Variants in SLC4A7 observed in about 807,000 individuals in gnomAD.
The protein encoded by SLC4A7 is solute carrier family 4 member 7.
SLC4A7 carries 51 observed loss-of-function variants against 137.6 expected under a neutral mutation model. The observed-to-expected ratio is 0.37, with a 90% CI of 0.30 to 0.47. SLC4A7 has a LOEUF of 0.47. Ranked by LOEUF, SLC4A7 falls within the 20% of genes least tolerant of loss-of-function variation. SLC4A7 has a pLI of 1.00. For missense variants in SLC4A7, 1,247 were observed against 1,525.4 expected, an observed-to-expected ratio of 0.82 and a Z score of 3.04; for synonymous variants, 542 against 518.6, an observed-to-expected ratio of 1.05 and a Z score of -0.61.
At chr3:27,481,733 A>G (rs1379494038) in intron 1 of SLC4A7, among the ~76,000 whole-genome samples, 1 of 152,200 alleles carries the variant, frequency 6.6e-6, no homozygotes, top group Non-Finnish European at 1.5e-5. Context: ...TTATCTTCTC[A>G]AAGACTTAGG....
At chr3:27,446,129 T>C (rs1329624567) in intron 3 of SLC4A7, among the ~76,000 whole-genome samples, 2 of 150,146 alleles carry the variant, frequency 1.3e-5, no homozygotes, top group African/African-American at 2.4e-5. Flanking sequence ...TGTGTGTGTA[T>C]ATATATATAT....
At chr3:27,427,466 C>A (rs1341787758) in intron 7 of SLC4A7, among the ~76,000 whole-genome samples, 1 of 151,910 alleles carries the variant, frequency 6.6e-6, no homozygotes, top group Non-Finnish European at 1.5e-5. Flanking sequence ...TTAATTTATA[C>A]AATTTATAAT....
At position 27,398,195 on chromosome 3, in the gene SLC4A7, G is replaced by C; in HGVS notation, c.2586C>G (p.Thr862=). ...KQFKTKRYFP[T]KVRSTISDFA... is the part of the protein sequence containing the mutation. The stretch of plus-strand genomic sequence containing the variant: ...TCCAAAATTATATCACAGTTACCTT[G>C]GTAGGAAAGTAACGCTTGGTCTTAA... Residue 862 remains threonine (T), a synonymous_variant, in exon 17 of 26, where the codon ACC becomes ACG. Coordinates refer to ENST00000454389, the MANE Select transcript of SLC4A7 (RefSeq NM_001321103.2). 6.2e-7 allele frequency: 1 copy of C among 1,602,680 alleles called. No individual in the cohort carries two copies. Among genetic ancestry groups the C allele is most frequent in the East Asian group, 2.2e-5 (1 of 44,780 alleles).
In SLC4A7 at chr3:27,403,397, A is replaced by T; in HGVS notation, c.2076-13T>A. On this transcript the variant is annotated splice_polypyrimidine_tract_variant and intron_variant, in intron 14 of 25. Transcript: ENST00000454389. ...AAGTTGATAATCTCTGTTTAGAAAG[A>T]AAAATATGAATATGATAAACATATG... is the stretch of plus-strand genomic sequence containing the variant. The T allele has an allele frequency of 6.5e-7, 1 of 1,546,470 alleles. No homozygotes were observed. Among genetic ancestry groups the T allele is most frequent in the Non-Finnish European group, 8.8e-7 (1 of 1,136,684 alleles).
intron 3 of SLC4A7, among the ~76,000 whole-genome samples, chr3:27,445,945 AAAAAAAAAAAAAAAAAAAATATATATAT>A (rs956237103): frequency 1.1e-4 from 6 of 52,648 alleles, no homozygotes; most frequent in African/African-American, 5.2e-4. Flanking sequence ...AAAAAAAAAA[AAAAAAAAAAAAAAAAAAAATATATATAT>A]ATATATATAT....
intron 23 of SLC4A7, among the ~76,000 whole-genome samples, chr3:27,385,407 A>C (rs983594916): frequency 3.9e-5 from 6 of 152,172 alleles, no homozygotes; most frequent in Non-Finnish European, 8.8e-5. Flanking sequence ...TATACTTTTT[A>C]AAAAAGATAA....
At chr3:27,403,482 C>T (rs1310403760) in intron 14 of SLC4A7, 98 bp from the exon 15 acceptor site, 7 of 706,356 alleles carry the variant, frequency 9.9e-6, no homozygotes, top group South Asian at 4.4e-5. Context: ...CAAGAAAACA[C>T]GATTCCTAAA....
chr3:27,444,331 C>T (rs1258047824), intron 3 of SLC4A7, among the ~76,000 whole-genome samples: 1 of 152,168 alleles, frequency 6.6e-6, no homozygotes, highest in Non-Finnish European at 1.5e-5. Flanking sequence ...TTTTGTTCAG[C>T]TCCTTGGATC....
chr3:27,405,813 A>G (rs550440510), intron 13 of SLC4A7, among the ~76,000 whole-genome samples: 1 of 151,512 alleles, frequency 6.6e-6, no homozygotes, highest in East Asian at 1.9e-4. Context: ...AAGTATCACT[A>G]AAGTTTGGCA....
chr3:27,418,437 A>G (rs539952841), intron 11 of SLC4A7, 49 bp downstream of exon 11: 3 of 1,512,520 alleles, frequency 2.0e-6, no homozygotes, highest in Admixed American at 2.2e-5. Context: ...ATCAAAAAAA[A>G]TTTTATTAAA....
At chr3:27,470,841 C>G (rs1263482971) in intron 1 of SLC4A7, among the ~76,000 whole-genome samples, 1 of 152,144 alleles carries the variant, frequency 6.6e-6, no homozygotes, top group African/African-American at 2.4e-5. Context: ...ACTCCAGAGA[C>G]TGAGGCAGGA....
intron 1 of SLC4A7, among the ~76,000 whole-genome samples, chr3:27,482,891 T>C (rs2059775217): frequency 6.6e-6 from 1 of 152,212 alleles, no homozygotes. Flanking sequence ...GGTGACTGAG[T>C]TTTCTTCTAT....
Position 27,374,344 on chromosome 3 carries a change from G to A in SLC4A7, c.*2420C>T, listed in dbSNP as rs1461028963. On this transcript the variant is annotated 3_prime_UTR_variant, in exon 26 of 26. Coordinates refer to ENST00000454389, the MANE Select transcript of SLC4A7 (RefSeq NM_001321103.2). ...CAGGTTTAATTATTTTGCACCTTGA[G>A]GTAAATCAGTACATAGCAACTACTA... 6.6e-6 allele frequency: 1 copy of A among 152,340 alleles called. No individual in the cohort carries two copies. The highest frequency in any genetic ancestry group is 2.4e-5 in the African/African-American group (1 of 41,404). 9.4% of individuals were successfully genotyped at this position (152,340 alleles called of 1,614,324 possible).
At chr3:27,381,763 G>T (rs891336094) in intron 24 of SLC4A7, among the ~76,000 whole-genome samples, 1 of 152,110 alleles carries the variant, frequency 6.6e-6, no homozygotes, top group Non-Finnish European at 1.5e-5. Context: ...GACTGATTTC[G>T]CTAACTAATC....
intron 22 of SLC4A7, among the ~76,000 whole-genome samples, chr3:27,388,577 T>C (rs979977534): frequency 6.6e-6 from 1 of 152,172 alleles, no homozygotes; most frequent in Admixed American, 6.5e-5. Flanking sequence ...AATTTAGATA[T>C]AGTATGAAAA....
At chr3:27,480,029 T>C (rs932222608) in intron 1 of SLC4A7, among the ~76,000 whole-genome samples, 6 of 152,182 alleles carry the variant, frequency 3.9e-5, no homozygotes, top group African/African-American at 1.4e-4. Flanking sequence ...TTTTAGAATA[T>C]ATTGGTTAGC....
Position 27,430,605 on chromosome 3 carries a change from CA to C in SLC4A7, c.1150+692del, listed in dbSNP as rs36019447. On this transcript the variant is annotated intron_variant, in intron 7 of 25. Coordinates refer to ENST00000454389, the MANE Select transcript of SLC4A7 (RefSeq NM_001321103.2). ...AGCCTCCAAAGCAAGACCCCGTCTC[CA>C]AAAAAAAAAAAAAAAAAAGTTCACC... Among the ~76,000 whole-genome samples the C allele has an allele frequency of 1.6e-3, 154 of 96,662 alleles. 1 individual carries two copies. Among genetic ancestry groups the C allele is most frequent in the African/African-American group, 3.5e-3 (84 of 23,842 alleles). The allele number at this position is 96,662 out of a possible 152,430, so 63.4% of individuals were successfully genotyped here.
intron 1 of SLC4A7, among the ~76,000 whole-genome samples, chr3:27,469,161 C>G (rs1291103718): frequency 6.6e-6 from 1 of 152,078 alleles, no homozygotes; most frequent in South Asian, 2.1e-4. Flanking sequence ...TTGGAAAAAA[C>G]TCAAATCATT....
At chr3:27,466,217 C>T (rs1208421786) in intron 1 of SLC4A7, among the ~76,000 whole-genome samples, 4 of 150,416 alleles carry the variant, frequency 2.7e-5, no homozygotes, top group South Asian at 2.1e-4. Flanking sequence ...TTTGGGAGGC[C>T]GAGGCGGGCG....
Sources: gnomAD v4.1 joint callset for allele counts (sites outside exome capture counted in the v4.1 genomes callset) on GRCh38, gnomAD v4.1.1 for gene constraint, MANE v1.5 for transcripts, NCBI Gene and HGNC (gene_info 2026-07-23, HGNC 2026-07-21) for gene names.